Variants in NOS1AP observed in about 807,000 individuals in gnomAD.
NOS1AP encodes carboxyl-terminal PDZ ligand of neuronal nitric oxide synthase protein.
In NOS1AP, 21 loss-of-function variants were observed where a neutral mutation model predicts 56.2. The ratio of observed to expected loss-of-function variants is 0.37; its 90% confidence interval spans 0.26 to 0.54. The LOEUF is 0.54. Ranked by LOEUF, NOS1AP falls within the 20% of genes least tolerant of loss-of-function variation. NOS1AP has a pLI of 0.84. For synonymous variants in NOS1AP, 270 were observed against 274.6 expected (o/e 0.98, Z 0.17); for missense variants, 522 against 657.8 (o/e 0.79, Z 2.26).
chr1:162,155,556 C>T (rs557767481), intron 2 of NOS1AP, among the ~76,000 whole-genome samples: 15 of 151,678 alleles, frequency 9.9e-5, no homozygotes, highest in African/African-American at 2.2e-4. Flanking sequence ...CCGTAGGCTC[C>T]GGGAGTGTAA....
chr1:162,357,278 G>A, intron 8 of NOS1AP, 142 bp downstream of exon 8: 1 of 1,462,716 alleles, frequency 6.8e-7, no homozygotes, highest in East Asian at 2.5e-5. Context: ...GCTTGTTGGG[G>A]AGTGGGGGCA....
At chr1:162,285,829 A>C (rs975315119) in intron 2 of NOS1AP, among the ~76,000 whole-genome samples, 1 of 152,112 alleles carries the variant, frequency 6.6e-6, no homozygotes, top group African/African-American at 2.4e-5. Context: ...GGAAGTGACC[A>C]CCAGACTGGG....
At chr1:162,209,960 A>G (rs192678349) in intron 2 of NOS1AP, among the ~76,000 whole-genome samples, 45 of 152,330 alleles carry the variant, frequency 3.0e-4, no homozygotes, top group Non-Finnish European at 4.0e-4. Context: ...GAGTGGGCAG[A>G]GATAGAGATA....
At chr1:162,262,762 T>C (rs1331773306) in intron 2 of NOS1AP, among the ~76,000 whole-genome samples, 1 of 152,218 alleles carries the variant, frequency 6.6e-6, no homozygotes, top group African/African-American at 2.4e-5. Context: ...CTAAAAGAGC[T>C]ATGGGAGATT....
chr1:162,245,935 G>C (rs923642974), intron 2 of NOS1AP, among the ~76,000 whole-genome samples: 1 of 152,228 alleles, frequency 6.6e-6, no homozygotes, highest in Non-Finnish European at 1.5e-5. Flanking sequence ...GGCTCCAACT[G>C]CTAGCTCCTT....
rs181513499 is a variant in NOS1AP, at chr1:162,311,628, T to G, written c.344+10922T>G. On this transcript the variant is annotated intron_variant, in intron 4 of 9. Coordinates refer to ENST00000361897, the MANE Select transcript of NOS1AP (RefSeq NM_014697.3). The stretch of plus-strand genomic sequence containing the variant: ...TTAAGTTTTAGGGTACATGTGCACA[T>G]TGTGCAGGTTAGTTACATATGTATA... Among the ~76,000 whole-genome samples, 122 of 151,370 alleles carry G rather than the reference T, an allele frequency of 8.1e-4. 1 individual carries two copies. The highest frequency in any genetic ancestry group is 6.8e-3 in the Middle Eastern group (2 of 294).
At chr1:162,125,537 T>TA (rs1648452568) in intron 1 of NOS1AP, among the ~76,000 whole-genome samples, 1 of 152,178 alleles carries the variant, frequency 6.6e-6, no homozygotes, top group Admixed American at 6.5e-5. Flanking sequence ...AGGTGTCCTT[T>TA]CCCCGAGGTA....
At chr1:162,073,452 CATTT>C in intron 1 of NOS1AP, among the ~76,000 whole-genome samples, 1 of 152,126 alleles carries the variant, frequency 6.6e-6, no homozygotes, top group South Asian at 2.1e-4. Flanking sequence ...ATTATTCAAA[CATTT>C]ATTTATTTAT....
In NOS1AP at chr1:162,113,048, A is replaced by G. The variant is rs534655379; in HGVS notation, c.106-41357A>G. Reference sequence around the variant, plus strand: ...CTGGGCTGCATCTCTGAATAGGTATATTAGGTCAGTGGGTATATCAGGCAG... The same window carrying G: ...CTGGGCTGCATCTCTGAATAGGTATGTTAGGTCAGTGGGTATATCAGGCAG... On this transcript the variant is annotated intron_variant, in intron 1 of 9. Coordinates refer to ENST00000361897, the MANE Select transcript of NOS1AP (RefSeq NM_014697.3). Among the ~76,000 whole-genome samples the G allele has an allele frequency of 3.7e-4, 56 of 152,208 alleles. 2 individuals carry two copies. Among genetic ancestry groups the G allele is most frequent in the African/African-American group, 1.2e-3 (50 of 41,520 alleles).
intron 2 of NOS1AP, among the ~76,000 whole-genome samples, chr1:162,251,879 T>C (rs866317430): frequency 7.1e-6 from 1 of 140,286 alleles, no homozygotes; most frequent in East Asian, 2.0e-4. Context: ...GTTTTTTTTT[T>C]TTTTTTTTTT....
intron 1 of NOS1AP, among the ~76,000 whole-genome samples, chr1:162,138,531 A>G (rs4657156): frequency 0.46 from 70,213 of 152,114 alleles, 19,765 homozygotes; most frequent in Non-Finnish European, 0.63. Flanking sequence ...TAGATAGTGG[A>G]GGGAGAAGCT....
chr1:162,305,714 C>T lies in NOS1AP; in HGVS notation c.344+5008C>T, dbSNP rs147714436. 4.9e-3 allele frequency among the ~76,000 whole-genome samples: 744 copies of T among 152,214 alleles called. 9 individuals are homozygous for T. The highest frequency in any genetic ancestry group is 0.017 in the African/African-American group (689 of 41,536). On this transcript the variant is annotated intron_variant, in intron 4 of 9. Transcript: ENST00000361897. ...GTAAAATGTGGAAGACATATTTTTA[C>T]CCCCACAATATGAAGTTATACATTC...
At chr1:162,177,371 G>A (rs1419285353) in intron 2 of NOS1AP, among the ~76,000 whole-genome samples, 2 of 152,212 alleles carry the variant, frequency 1.3e-5, no homozygotes, top group Non-Finnish European at 2.9e-5. Flanking sequence ...TTCGTCCTGT[G>A]TGACTCAGGA....
At chr1:162,189,270 C>T (rs1241780999) in intron 2 of NOS1AP, among the ~76,000 whole-genome samples, 1 of 152,050 alleles carries the variant, frequency 6.6e-6, no homozygotes, top group Non-Finnish European at 1.5e-5. Context: ...TTATAAAAAA[C>T]CAAAATGTGT....
At chr1:162,159,841 C>T (rs541538615) in intron 2 of NOS1AP, among the ~76,000 whole-genome samples, 18 of 152,252 alleles carry the variant, frequency 1.2e-4, no homozygotes, top group African/African-American at 3.1e-4. Flanking sequence ...TCAGACTTGA[C>T]GGGTTCTATA....
At chr1:162,330,132 AT>A in intron 4 of NOS1AP, among the ~76,000 whole-genome samples, 1 of 152,360 alleles carries the variant, frequency 6.6e-6, no homozygotes, top group Non-Finnish European at 1.5e-5. Context: ...TCCTTAGGGT[AT>A]TACATAAGAA....
chr1:162,195,193 A>G (rs1172627140), intron 2 of NOS1AP, among the ~76,000 whole-genome samples: 3 of 152,208 alleles, frequency 2.0e-5, no homozygotes, highest in Admixed American at 2.0e-4. Context: ...AGCACATAGT[A>G]GATATTCAAT....
rs1365328145 is a variant in NOS1AP, at chr1:162,073,123, T to C, written c.105+2841T>C. On this transcript the variant is annotated intron_variant, in intron 1 of 9. Coordinates refer to ENST00000361897, the MANE Select transcript of NOS1AP (RefSeq NM_014697.3). Reference sequence around the variant, plus strand: ...ACTTAAAAACCCATGCATTTAGTTATCAAGTGCAATCCCAGATTTTTTTCA... The same window carrying C: ...ACTTAAAAACCCATGCATTTAGTTACCAAGTGCAATCCCAGATTTTTTTCA... Among the ~76,000 whole-genome samples, 4 of 152,320 alleles carry C rather than the reference T, an allele frequency of 2.6e-5. No homozygotes were observed. The East Asian group carries it at 5.8e-4, about 22-fold the overall frequency.
chr1:162,170,000 T>C (rs1650686130), intron 2 of NOS1AP, among the ~76,000 whole-genome samples: 1 of 152,242 alleles, frequency 6.6e-6, no homozygotes, highest in East Asian at 1.9e-4. Context: ...ATGAAAACCT[T>C]TGCTACGAAA....
Sources: gnomAD v4.1 joint callset for allele counts (sites outside exome capture counted in the v4.1 genomes callset) on GRCh38, gnomAD v4.1.1 for gene constraint, MANE v1.5 for transcripts, NCBI Gene and HGNC (gene_info 2026-07-23, HGNC 2026-07-21) for gene names.